The following KCNQ1 variants were observed in gnomAD, a reference collection of about 807,000 sequenced individuals.
The protein encoded by KCNQ1 is potassium voltage-gated channel subfamily Q member 1.
Under a neutral mutation model 72.4 loss-of-function variants are expected in KCNQ1, and 49 were observed. The ratio of observed to expected loss-of-function variants is 0.68; its 90% CI spans 0.54 to 0.86. KCNQ1 has a LOEUF of 0.86. KCNQ1 is among the 40% of genes least tolerant of loss of function. The probability of loss-of-function intolerance (pLI) is 0.00; values close to 1 mark genes in which losing one functional copy is unlikely to be tolerated. For missense variants in KCNQ1, 790 were observed against 945.1 expected, an observed-to-expected ratio of 0.84 and a Z score of 2.15; for synonymous variants, 450 against 412.6, an observed-to-expected ratio of 1.09 and a Z score of -1.10.
chr11:2,648,993 T>G (rs547003174), intron 10 of KCNQ1: 3 of 392,872 alleles, frequency 7.6e-6, no homozygotes, highest in Admixed American at 4.5e-5. Flanking sequence ...TTTTTTTTTT[T>G]TTTTTTTTTT....
chr11:2,669,609 C>T lies in KCNQ1; in HGVS notation c.1514+7528C>T, dbSNP rs1564852379. The T allele has an allele frequency of 5.0e-6, 2 of 398,618 alleles. No individual in the cohort carries two copies. The highest frequency in any genetic ancestry group is 7.1e-5 in the East Asian group (2 of 28,066). The allele number at this position is 398,618 out of a possible 1,614,324, so 24.7% of individuals were successfully genotyped here. On this transcript the variant is annotated intron_variant, in intron 11 of 15. Coordinates refer to ENST00000155840, the MANE Select transcript of KCNQ1 (RefSeq NM_000218.3). The surrounding 1 kb of genome is among the most constrained non-coding windows in gnomAD (Gnocchi z 5.6). The stretch of plus-strand genomic sequence containing the variant: ...TGCCCACAGGACACTGGGGCAGTCA[C>T]CTAATCTCTATCAGCCTCAGTTTCC...
rs532411543 is a variant in KCNQ1 at position 2,723,881 on chromosome 11, G to A, written c.1515-44963G>A. Among the ~76,000 whole-genome samples the A allele has an allele frequency of 6.6e-6, 1 of 152,330 alleles. No homozygotes were observed. Among genetic ancestry groups the A allele is most frequent in the Admixed American group, 6.5e-5 (1 of 15,304 alleles). On this transcript the variant is annotated intron_variant, in intron 11 of 15. Transcript: ENST00000155840. The surrounding 1 kb of genome is among the most constrained non-coding windows in gnomAD (Gnocchi z 4.2). ...AGTCACGGATTCCAGGGGGACCTCG[G>A]GACGAGGAAGTCACACGTTGGGGGA... is the stretch of plus-strand genomic sequence containing the variant.
At chr11:2,510,712 T>G (rs1439804896) in intron 1 of KCNQ1, among the ~76,000 whole-genome samples, 1 of 152,224 alleles carries the variant, frequency 6.6e-6, no homozygotes, top group Non-Finnish European at 1.5e-5. Context: ...AGCTGGTCTC[T>G]GAGGCCCAGG....
rs762001419 is a variant in KCNQ1, at chr11:2,612,111, C to G, written c.1393+23257C>G. The G allele has an allele frequency of 1.5e-5, 6 of 398,480 alleles. No homozygotes were observed. The highest frequency in any genetic ancestry group is 2.2e-5 in the Non-Finnish European group (5 of 226,082). 24.7% of individuals were successfully genotyped at this position (398,480 alleles called of 1,614,324 possible). On this transcript the variant is annotated intron_variant, in intron 10 of 15. Transcript: ENST00000155840. This position sits in a 1 kb window ranked among gnomAD's most constrained non-coding sequence, Gnocchi z 5.5. Reference sequence around the variant, plus strand: ...CCTGTTAGGACAGGGGTTCCCAACCCCAGGGCCATGGACTGGTACCAGTCT... The same window carrying G: ...CCTGTTAGGACAGGGGTTCCCAACCGCAGGGCCATGGACTGGTACCAGTCT...
rs1850183767 is a variant in KCNQ1, at chr11:2,671,550, T to G, written c.1514+9469T>G. The G allele has an allele frequency of 2.5e-6, 1 of 398,628 alleles. No individual in the cohort carries two copies. The highest frequency in any genetic ancestry group is 4.4e-6 in the Non-Finnish European group (1 of 226,070). The allele number at this position is 398,628 out of a possible 1,614,324, so 24.7% of individuals were successfully genotyped here. Reference sequence around the variant, plus strand: ...AGGTTAATTTTGACTCTGCCTGACTTATCTCCTAAGTCTTTGGCACTGAGC... The same window carrying G: ...AGGTTAATTTTGACTCTGCCTGACTGATCTCCTAAGTCTTTGGCACTGAGC... On this transcript the variant is annotated intron_variant, in intron 11 of 15. Coordinates refer to ENST00000155840, the MANE Select transcript of KCNQ1 (RefSeq NM_000218.3). This position sits in a 1 kb window ranked among gnomAD's most constrained non-coding sequence, Gnocchi z 4.7.
chr11:2,736,934 C>G (rs1041531331), intron 11 of KCNQ1, among the ~76,000 whole-genome samples: 1 of 152,162 alleles, frequency 6.6e-6, no homozygotes, highest in Non-Finnish European at 1.5e-5. Flanking sequence ...AAGTGCCAGC[C>G]GAGGGTGGCT....
intron 1 of KCNQ1, among the ~76,000 whole-genome samples, chr11:2,517,721 C>T (rs1274818037): frequency 1.3e-5 from 2 of 152,208 alleles, no homozygotes; most frequent in Non-Finnish European, 2.9e-5. Flanking sequence ...GGGACCATGG[C>T]CCTGGGAGCA....
chr11:2,522,395 G>T (rs549586756), intron 1 of KCNQ1, among the ~76,000 whole-genome samples: 7 of 152,152 alleles, frequency 4.6e-5, no homozygotes, highest in Non-Finnish European at 7.4e-5. Flanking sequence ...TCTGCAGAGT[G>T]GGGGGCTGTG....
chr11:2,753,790 G>A (rs1276802621), intron 11 of KCNQ1, among the ~76,000 whole-genome samples: 1 of 152,136 alleles, frequency 6.6e-6, no homozygotes, highest in Non-Finnish European at 1.5e-5. Flanking sequence ...TATTCCTTTG[G>A]CCGGGGACAC....
At chr11:2,480,309 C>A (rs562808280) in intron 1 of KCNQ1, among the ~76,000 whole-genome samples, 3 of 152,284 alleles carry the variant, frequency 2.0e-5, no homozygotes, top group African/African-American at 7.2e-5. Flanking sequence ...AAAGACATAC[C>A]TGAGACTGGG....
chr11:2,580,337 G>A (rs1168882915), intron 6 of KCNQ1, among the ~76,000 whole-genome samples: 1 of 152,120 alleles, frequency 6.6e-6, no homozygotes, highest in Admixed American at 6.5e-5. Context: ...CGTGGGCATT[G>A]TGCCATCACT....
intron 15 of KCNQ1, among the ~76,000 whole-genome samples, chr11:2,802,443 C>T (rs1030618950): frequency 4.6e-5 from 7 of 152,228 alleles, no homozygotes; most frequent in African/African-American, 1.4e-4. Flanking sequence ...GCAGGCAGCC[C>T]TTCATGGGCC....
intron 1 of KCNQ1, among the ~76,000 whole-genome samples, chr11:2,465,345 A>T (rs1010937421): frequency 6.6e-6 from 1 of 152,074 alleles, no homozygotes; most frequent in Non-Finnish European, 1.5e-5. Context: ...TGCAGCTGGA[A>T]GCTCTTGGGC....
Position 2,659,175 on chromosome 11 carries a change from G to A in KCNQ1, c.1394-2786G>A, listed in dbSNP as rs1269142766. 2.5e-6 allele frequency: 1 copy of A among 398,462 alleles called. No homozygotes were observed. The highest frequency in any genetic ancestry group is 2.1e-5 in the African/African-American group (1 of 48,604). The allele number at this position is 398,462 out of a possible 1,614,324, so 24.7% of individuals were successfully genotyped here. ...TTCAGTTCTGTGGGTTTTGACAGAT[G>A]TCTGGAGTCATGTGTCCACAATCCA... is the stretch of plus-strand genomic sequence containing the variant. On this transcript the variant is annotated intron_variant, in intron 10 of 15. Coordinates refer to ENST00000155840, the MANE Select transcript of KCNQ1 (RefSeq NM_000218.3). This position sits in a 1 kb window ranked among gnomAD's most constrained non-coding sequence, Gnocchi z 4.3.
intron 11 of KCNQ1, chr11:2,672,369 G>A (rs1210256251): frequency 5.0e-6 from 2 of 397,292 alleles, no homozygotes; most frequent in African/African-American, 2.1e-5. Context: ...GCCTTCACAG[G>A]CTGATATGAT....
rs188382177 is a variant in KCNQ1, at chr11:2,713,361, G to A, written c.1514+51280G>A. Among the ~76,000 whole-genome samples the A allele has an allele frequency of 7.9e-5, 12 of 152,274 alleles. No individual in the cohort carries two copies. Among genetic ancestry groups the A allele is most frequent in the South Asian group, 2.1e-4 (1 of 4,824 alleles). On this transcript the variant is annotated intron_variant, in intron 11 of 15. Coordinates refer to ENST00000155840, the MANE Select transcript of KCNQ1 (RefSeq NM_000218.3). The surrounding 1 kb of genome is among the most constrained non-coding windows in gnomAD (Gnocchi z 5.6). ...TAAAAACTCTCCAGTCATCTTTTCCGCTGTGGTTTTTATTGTTTTATTTTA... is the reference window on the plus strand; with the variant it reads ...TAAAAACTCTCCAGTCATCTTTTCCACTGTGGTTTTTATTGTTTTATTTTA...
intron 6 of KCNQ1, among the ~76,000 whole-genome samples, chr11:2,573,628 G>A (rs1437813527): frequency 2.0e-5 from 3 of 152,220 alleles, no homozygotes; most frequent in Non-Finnish European, 4.4e-5. Flanking sequence ...GGGCCCAGAG[G>A]CTGCCCCTGG....
At position 2,564,976 on chromosome 11, in the gene KCNQ1, C is replaced by T. The variant is rs1848225164; in HGVS notation, c.478-5652C>T. Reference sequence around the variant, plus strand: ...TAGGGAGGGACCACATCTTCCGTCTCCGTCGGTGCACTGAGGGACACTGGG... The same window carrying T: ...TAGGGAGGGACCACATCTTCCGTCTTCGTCGGTGCACTGAGGGACACTGGG... On this transcript the variant is annotated intron_variant, in intron 2 of 15. Transcript: ENST00000155840. The surrounding 1 kb of genome is among the most constrained non-coding windows in gnomAD (Gnocchi z 4.5). 6.6e-6 allele frequency among the ~76,000 whole-genome samples: 1 copy of T among 152,192 alleles called. No homozygotes were observed. The highest frequency in any genetic ancestry group is 2.4e-5 in the African/African-American group (1 of 41,450).
chr11:2,666,050 C>G (rs1327230871), intron 11 of KCNQ1: 1 of 398,540 alleles, frequency 2.5e-6, no homozygotes, highest in Non-Finnish European at 4.4e-6. Context: ...ATAGACGGCC[C>G]AAGAGGACAG....
Sources: gnomAD v4.1 joint callset for allele counts (sites outside exome capture counted in the v4.1 genomes callset) on GRCh38, gnomAD v4.1.1 for gene constraint, Gnocchi (gnomAD v3.1) non-coding constraint, MANE v1.5 for transcripts, NCBI Gene and HGNC (gene_info 2026-07-23, HGNC 2026-07-21) for gene names.